Variants in IFI16 observed in about 807,000 individuals in gnomAD.
IFI16 encodes the protein interferon gamma inducible protein 16, also known as gamma-interferon-inducible protein 16.
A neutral mutation model predicts 68.4 loss-of-function variants in IFI16; 49 were observed. The observed-to-expected ratio is 0.72, with a 90% CI of 0.57 to 0.91. The LOEUF (loss-of-function observed/expected upper bound fraction) is 0.91. Ranked by LOEUF, IFI16 falls within the 40% of genes least tolerant of loss-of-function variation. The pLI is 0.00. For synonymous variants in IFI16, 307 were observed against 315.0 expected, an observed-to-expected ratio of 0.97 and a Z score of 0.27; for missense variants, 878 against 942.9, an observed-to-expected ratio of 0.93 and a Z score of 0.90.
intron 8 of IFI16, among the ~76,000 whole-genome samples, chr1:159,046,143 G>A (rs2852695): frequency 0.79 from 119,534 of 150,936 alleles, 48,987 homozygotes; most frequent in Admixed American, 0.9. Flanking sequence ...ATGATCCTAC[G>A]TTATTTGGCT....
intron 3 of IFI16, 126 bp downstream of exon 3, chr1:159,016,113 A>C: frequency 1.5e-6 from 1 of 649,218 alleles, no homozygotes; most frequent in Non-Finnish European, 2.7e-6. Context: ...GATTTACCAA[A>C]TTGTATGATA....
At position 159,046,382 on chromosome 1, in the gene IFI16, T is replaced by C. The variant is rs566005233; in HGVS notation, c.1497+918T>C. ...GGAAAATTGGCCACATTGATGAGTT[T>C]TGTGTGTGATATGCGTTATTCCTGG... On this transcript the variant is annotated intron_variant, in intron 8 of 11. Transcript: ENST00000295809. Among the ~76,000 whole-genome samples the C allele has an allele frequency of 4.0e-5, 6 of 151,264 alleles. 1 individual carries two copies. Among genetic ancestry groups the C allele is most frequent in the Non-Finnish European group, 8.9e-5 (6 of 67,614 alleles).
Position 159,051,851 on chromosome 1 carries a change from T to C in IFI16, c.1838T>C (p.Val613Ala). 6.2e-7 allele frequency: 1 copy of C among 1,614,008 alleles called. No individual in the cohort carries two copies. The highest frequency in any genetic ancestry group is 2.2e-5 in the East Asian group (1 of 44,876). ...GCAACTGAGAATGAAGTCTTCCGAGTGAAGGTTTTTAATATTGACCTAAAG... is the reference window on the plus strand; with the variant it reads ...GCAACTGAGAATGAAGTCTTCCGAGCGAAGGTTTTTAATATTGACCTAAAG... ...TVATENEVFR[V>A]KVFNIDLKEK... The change falls in exon 10 of 12, where the codon GTG becomes GCG. Residue 613 changes from valine to alanine, a missense_variant. By Grantham distance (64) the Val-to-Ala change is moderately conservative. Transcript: ENST00000295809.
chr1:159,010,648 A>C (rs960871876), intron 1 of IFI16, among the ~76,000 whole-genome samples: 4 of 152,174 alleles, frequency 2.6e-5, no homozygotes, highest in Non-Finnish European at 4.4e-5. Context: ...CAGAGTAGAA[A>C]ATTTTTTTCA....
Position 159,045,449 on chromosome 1 carries a change from C to T in IFI16, c.1482C>T (p.Ser494=). ...TPQMPPSTPS[S]SFLTTKSEDT... ...AGATGCCTCCATCAACACCAAGCAG[C>T]AGTTTCTTAACCACGGTACAAGTTC... is the stretch of plus-strand genomic sequence containing the variant. Residue 494 remains serine, a synonymous_variant, in exon 8 of 12, where the codon AGC becomes AGT. Coordinates refer to ENST00000295809, the MANE Select transcript of IFI16 (RefSeq NM_001376587.1). 1.9e-6 allele frequency: 3 copies of T among 1,596,708 alleles called. No homozygotes were observed. The South Asian group carries it at 3.4e-5, about 18-fold the overall frequency.
At chr1:159,033,999 C>G (rs888172757) in intron 7 of IFI16, among the ~76,000 whole-genome samples, 1 of 152,158 alleles carries the variant, frequency 6.6e-6, no homozygotes, top group Admixed American at 6.5e-5. Flanking sequence ...GTTATACTTC[C>G]TTGCCCTTGG....
intron 1 of IFI16, among the ~76,000 whole-genome samples, chr1:159,011,362 G>C (rs1184141265): frequency 6.7e-6 from 1 of 148,278 alleles, no homozygotes; most frequent in African/African-American, 2.5e-5. Context: ...CAGCCTGGGT[G>C]ACAGAGCAAG....
rs373457224 is a variant in IFI16 at position 159,018,634 on chromosome 1, G to C, written c.955G>C (p.Val319Leu). 1 of 1,607,518 alleles carries C rather than the reference G, an allele frequency of 6.2e-7. No homozygotes were observed. The highest frequency in any genetic ancestry group is 1.1e-5 in the South Asian group (1 of 90,214). The part of the protein sequence containing the change: ...KQASGNIVYG[V>L]FMLHKKTVNQ... ...AGCTTCAGGAAATATTGTATATGGGGTATTTATGCTACATAAGGTAAGTCC... is the reference window on the plus strand; with the variant it reads ...AGCTTCAGGAAATATTGTATATGGGCTATTTATGCTACATAAGGTAAGTCC... Residue 319 changes from valine (V) to leucine (L), a missense_variant, in exon 5 of 12, where the codon GTA becomes CTA. Val to Leu is a conservative substitution (Grantham distance 32). Around this residue, in one of 4 missense-constraint regions of IFI16, gnomAD observed 443 missense variants for 421.8 expected, o/e 1.05. Transcript: ENST00000295809.
At chr1:159,015,339 A>T (rs1652853305) in intron 2 of IFI16, among the ~76,000 whole-genome samples, 1 of 152,192 alleles carries the variant, frequency 6.6e-6, no homozygotes, top group East Asian at 1.9e-4. Context: ...TTTATAATTT[A>T]AAAAAATGCA....
chr1:159,016,898 T>G (rs2101817518), intron 4 of IFI16, among the ~76,000 whole-genome samples, 198 bp downstream of exon 4: 1 of 152,352 alleles, frequency 6.6e-6, no homozygotes, highest in South Asian at 2.1e-4. Context: ...CAGGAAGTTT[T>G]CTGTTCTGTG....
upstream of IFI16, among the ~76,000 whole-genome samples, chr1:159,004,497 G>T (rs1224520237): frequency 6.6e-6 from 1 of 152,102 alleles, no homozygotes; most frequent in East Asian, 1.9e-4. Flanking sequence ...TTGAGATCAG[G>T]AGTTTGAGAC....
Position 159,051,932 on chromosome 1 carries a change from G to A in IFI16, c.1919G>A (p.Gly640Glu). 1 of 1,614,068 alleles carries A rather than the reference G, an allele frequency of 6.2e-7. No homozygotes were observed. The highest frequency in any genetic ancestry group is 8.5e-7 in the Non-Finnish European group (1 of 1,179,966). ...IAIANYVCRN[G>E]FLEVYPFTLV... ...ATAGCAAATTATGTTTGCCGCAATG[G>A]GTTCCTGGAGGTATATCCTTTCACA... The change falls in exon 10 of 12, where the codon GGG becomes GAG. Residue 640 changes from glycine to glutamate, a missense_variant. Physicochemically the swap from Gly to Glu is moderately conservative, Grantham distance 98. Coordinates refer to ENST00000295809, the MANE Select transcript of IFI16 (RefSeq NM_001376587.1).
intron 1 of IFI16, among the ~76,000 whole-genome samples, chr1:159,014,265 G>A (rs537928791): frequency 1.1e-4 from 17 of 152,294 alleles, no homozygotes; most frequent in Admixed American, 5.2e-4. Context: ...CACCTAGGCC[G>A]CTCCAGTCAT....
At chr1:159,049,942 C>A (rs1176339970) in intron 9 of IFI16, among the ~76,000 whole-genome samples, 1 of 151,590 alleles carries the variant, frequency 6.6e-6, no homozygotes. Flanking sequence ...ACTGATTTTT[C>A]CCCTTTCATT....
chr1:159,014,433 C>T (rs1652791627), intron 1 of IFI16, among the ~76,000 whole-genome samples: 1 of 149,882 alleles, frequency 6.7e-6, no homozygotes, highest in South Asian at 2.1e-4. Context: ...CCTCTAACAA[C>T]TGGACCCAAC....
chr1:159,054,886 A>G lies in IFI16; in HGVS notation c.2343A>G (p.Pro781=). The change falls in exon 12 of 12, where the codon CCA becomes CCG. Residue 781 remains proline (P), a synonymous_variant. Transcript: ENST00000295809. ...CTGATTCAAGTATGGAAACTTCACC[A>G]GACTTTTTCTTCTAAAATCTGGATG... The part of the protein sequence containing the change: ...LNPDSSMETS[P]DFFF The G allele has an allele frequency of 6.3e-7, 1 of 1,591,208 alleles. No individual in the cohort carries two copies.
intron 8 of IFI16, among the ~76,000 whole-genome samples, chr1:159,045,768 GA>G (rs1362277901): frequency 6.6e-6 from 1 of 150,976 alleles, no homozygotes; most frequent in South Asian, 2.1e-4. Flanking sequence ...AACAAGGTGG[GA>G]AAAAACAGAG....
In IFI16 at chr1:159,016,145, C is replaced by T. The variant is rs534383980; in HGVS notation, c.381+158C>T. Among the ~76,000 whole-genome samples, 19 of 152,254 alleles carry T rather than the reference C, an allele frequency of 1.2e-4. No individual in the cohort carries two copies. In the East Asian group the frequency reaches 3.7e-3, roughly 29 times the overall value. ...GATAATTGATCATCTTATTGATGCT[C>T]AAAGCAATGCACCAAACACATGAGT... On this transcript the variant is annotated intron_variant, in intron 3 of 11. Coordinates refer to ENST00000295809, the MANE Select transcript of IFI16 (RefSeq NM_001376587.1).
At chr1:159,047,320 T>A (rs1039741496) in intron 8 of IFI16, among the ~76,000 whole-genome samples, 12 of 150,224 alleles carry the variant, frequency 8.0e-5, no homozygotes, top group Middle Eastern at 3.4e-3. Flanking sequence ...CCCTATATAG[T>A]CTTTCCTGGT....
Sources: gnomAD v4.1 joint callset for allele counts (sites outside exome capture counted in the v4.1 genomes callset) on GRCh38, gnomAD v4.1.1 for gene constraint, gnomAD v4.1.1 regional missense constraint, MANE v1.5 for transcripts, NCBI Gene and HGNC (gene_info 2026-07-23, HGNC 2026-07-21) for gene names.